Variants in DIP2A observed in about 807,000 individuals in gnomAD.
DIP2A encodes DIP2 acetate--CoA ligase A.
A neutral mutation model predicts 177.4 loss-of-function variants in DIP2A; 85 were observed. The ratio of observed to expected loss-of-function variants is 0.48; its 90% CI spans 0.40 to 0.57. The LOEUF (loss-of-function observed/expected upper bound fraction) is 0.57, where lower values mean the gene tolerates loss of function less well. DIP2A is among the 20% of genes least tolerant of loss of function. DIP2A has a pLI of 0.00. For synonymous variants in DIP2A, 886 were observed against 881.8 expected (o/e 1.00, Z -0.08); for missense variants, 1,791 against 2,100.2 (o/e 0.85, Z 2.88).
chr21:46,545,897 C>T lies in DIP2A; in HGVS notation c.2330C>T (p.Thr777Ile), dbSNP rs774258087. The change falls in exon 20 of 38, where the codon ACA becomes ATA. Residue 777 changes from threonine to isoleucine, a missense_variant. Coordinates refer to ENST00000417564, the MANE Select transcript of DIP2A (RefSeq NM_015151.4). ...TTTGTGCAGGCAGTTCCGGTCACCACAGGAGGAGCACCCATCTTTGACAGG... is the reference window on the plus strand; with the variant it reads ...TTTGTGCAGGCAGTTCCGGTCACCATAGGAGGAGCACCCATCTTTGACAGG... ...KNVFEAVPVT[T>I]GGAPIFDRPF... 1 of 1,613,984 alleles carries T rather than the reference C, an allele frequency of 6.2e-7. No individual in the cohort carries two copies. The highest frequency in any genetic ancestry group is 1.3e-5 in the African/African-American group (1 of 75,072).
In DIP2A at chr21:46,556,839, G is replaced by A. The variant is rs1279023129; in HGVS notation, c.3499-100G>A. 2 of 1,073,844 alleles carry A rather than the reference G, an allele frequency of 1.9e-6. No homozygotes were observed. The highest frequency in any genetic ancestry group is 2.6e-6 in the Non-Finnish European group (2 of 770,100). The allele number at this position is 1,073,844 out of a possible 1,614,324, so 66.5% of individuals were successfully genotyped here. A position where few individuals can be genotyped will look rare whatever the true frequency, so the allele number is the denominator to read the frequency against. The stretch of plus-strand genomic sequence containing the variant: ...TAAATATGATGTTTGGTAGTTCGGA[G>A]CTATGGTCTAGCCATGTGAACAGCG... On this transcript the variant is annotated intron_variant, in intron 29 of 37. Transcript: ENST00000417564. The surrounding 1 kb of genome is among the most constrained non-coding windows in gnomAD (Gnocchi z 4.5).
chr21:46,558,568 G>A (rs2148898816), intron 32 of DIP2A, 175 bp downstream of exon 32: 1 of 673,128 alleles, frequency 1.5e-6, no homozygotes, highest in East Asian at 2.7e-5. Context: ...TTTTAAAGAT[G>A]TTCTATTCTA....
Position 46,557,351 on chromosome 21 carries a change from A to G in DIP2A, c.3630-234A>G, listed in dbSNP as rs1601837628. On this transcript the variant is annotated intron_variant, in intron 30 of 37. Transcript: ENST00000417564. This position sits in a 1 kb window ranked among gnomAD's most constrained non-coding sequence, Gnocchi z 6.0. Reference sequence around the variant, plus strand: ...CGTCTCTAGAAGTGAATGCCTCTGGAGTGGTGTCCCCGGATCCTCTCCAAG... The same window carrying G: ...CGTCTCTAGAAGTGAATGCCTCTGGGGTGGTGTCCCCGGATCCTCTCCAAG... 1 of 636,100 alleles carries G rather than the reference A, an allele frequency of 1.6e-6. No homozygotes were observed. The highest frequency in any genetic ancestry group is 2.8e-5 in the East Asian group (1 of 36,200). 39.4% of individuals were successfully genotyped at this position (636,100 alleles called of 1,614,324 possible). A position where few individuals can be genotyped will look rare whatever the true frequency, so the allele number is the denominator to read the frequency against.
chr21:46,550,386 C>T (rs1308018465), intron 22 of DIP2A, among the ~76,000 whole-genome samples, 157 bp from the exon 23 acceptor site: 2 of 152,190 alleles, frequency 1.3e-5, no homozygotes, highest in Non-Finnish European at 2.9e-5. Context: ...GCACACACTT[C>T]TCTTCATCTT....
At chr21:46,495,536 G>A (rs899337609) in intron 3 of DIP2A, among the ~76,000 whole-genome samples, 5 of 151,752 alleles carry the variant, frequency 3.3e-5, no homozygotes, top group Admixed American at 2.0e-4. Flanking sequence ...CCAAAGTGCT[G>A]GGATTACAGG....
rs1987371487 is a variant in DIP2A at position 46,533,559 on chromosome 21, C to T, written c.1341C>T (p.Gly447=). ...GCCAGCAGGTTGGGTTTCTGCTGGG[C>T]AGCTGTGGAGTCTTCTTGGCCCTGA... ...AGSQQVGFLL[G]SCGVFLALTT... The change falls in exon 11 of 38, where the codon GGC becomes GGT. Residue 447 remains glycine (G), a synonymous_variant. Transcript: ENST00000417564. 1 of 1,613,846 alleles carries T rather than the reference C, an allele frequency of 6.2e-7. No homozygotes were observed. Among genetic ancestry groups the T allele is most frequent in the African/African-American group, 1.3e-5 (1 of 74,924 alleles).
At chr21:46,561,151 A>G (rs550937109) in intron 33 of DIP2A, 17 of 572,544 alleles carry the variant, frequency 3.0e-5, no homozygotes, top group Admixed American at 2.9e-4. Context: ...CAGAGAGAAG[A>G]CAAGTAACCC....
At chr21:46,535,687 T>G (rs2059538554) in intron 13 of DIP2A, among the ~76,000 whole-genome samples, 1 of 152,234 alleles carries the variant, frequency 6.6e-6, no homozygotes, top group Non-Finnish European at 1.5e-5. Flanking sequence ...TAGGTATTTT[T>G]TAAGGGCTTT....
At chr21:46,477,552 T>TGTGTGTGTGTGC in intron 1 of DIP2A, among the ~76,000 whole-genome samples, 1 of 131,820 alleles carries the variant, frequency 7.6e-6, no homozygotes, top group Non-Finnish European at 1.7e-5. Context: ...TTTGTGTGTG[T>TGTGTGTGTGTGC]GTGTGTGTGT....
chr21:46,566,761 G>A, intron 37 of DIP2A, 78 bp downstream of exon 37: 2 of 1,581,978 alleles, frequency 1.3e-6, no homozygotes, highest in Non-Finnish European at 1.7e-6. Context: ...GCATCGGTTG[G>A]AGCAGAGCAA....
chr21:46,550,677 G>T lies in DIP2A; in HGVS notation c.2772G>T (p.Pro924=). 6.2e-7 allele frequency: 1 copy of T among 1,613,988 alleles called. No individual in the cohort carries two copies. The highest frequency in any genetic ancestry group is 1.1e-5 in the South Asian group (1 of 91,074). ...KQRFLEGTLH[P]CNVLMCPHTC... ...GCTTTCTGGAAGGGACGCTGCACCC[G>T]TGTAATGTGCTGATGTGCCCTCACA... Residue 924 remains proline (P), a synonymous_variant, in exon 23 of 38, where the codon CCG becomes CCT. Coordinates refer to ENST00000417564, the MANE Select transcript of DIP2A (RefSeq NM_015151.4).
intron 9 of DIP2A, among the ~76,000 whole-genome samples, chr21:46,529,625 GA>G (rs2059272199): frequency 6.6e-6 from 1 of 151,488 alleles, no homozygotes; most frequent in Non-Finnish European, 1.5e-5. Flanking sequence ...AAAAAGCAGT[GA>G]AAAATATTAA....
intron 8 of DIP2A, among the ~76,000 whole-genome samples, chr21:46,524,966 A>T (rs2059009672): frequency 7.5e-6 from 1 of 133,784 alleles, no homozygotes; most frequent in African/African-American, 2.9e-5. Flanking sequence ...GGCTCACTGC[A>T]GCCTCTGCCT....
chr21:46,580,833 C>T, the DIP2A span, among the ~76,000 whole-genome samples: 3 of 152,092 alleles, frequency 2.0e-5, no homozygotes, highest in South Asian at 2.1e-4. Flanking sequence ...GATGGACTTC[C>T]CTTTGTAGGT....
chr21:46,545,030 A>G lies in DIP2A; in HGVS notation c.2177-107A>G, dbSNP rs781097070. On this transcript the variant is annotated intron_variant, in intron 18 of 37. Coordinates refer to ENST00000417564, the MANE Select transcript of DIP2A (RefSeq NM_015151.4). The stretch of plus-strand genomic sequence containing the variant: ...AACTCCTTATAAGAAGGTGCTGTGT[A>G]TATAACATCCTGTTTCCATAACCGC... The G allele has an allele frequency of 2.0e-5, 22 of 1,115,780 alleles. No individual in the cohort carries two copies. The African/African-American group carries it at 2.0e-4, about 10-fold the overall frequency. The allele number at this position is 1,115,780 out of a possible 1,614,324, so 69.1% of individuals were successfully genotyped here. A position where few individuals can be genotyped will look rare whatever the true frequency, so the allele number is the denominator to read the frequency against.
intron 9 of DIP2A, among the ~76,000 whole-genome samples, chr21:46,530,280 G>A (rs767608007): frequency 3.2e-4 from 49 of 152,210 alleles, no homozygotes; most frequent in Non-Finnish European, 6.5e-4. Flanking sequence ...TAACAAGCTG[G>A]CAGACAGTTC....
In DIP2A at chr21:46,566,565, C is replaced by T; in HGVS notation, c.4345C>T (p.His1449Tyr). 2 of 1,614,052 alleles carry T rather than the reference C, an allele frequency of 1.2e-6. No individual in the cohort carries two copies. The highest frequency in any genetic ancestry group is 1.1e-5 in the South Asian group (1 of 91,082). Residue 1449 changes from histidine (H) to tyrosine (Y), a missense_variant, in exon 37 of 38, where the codon CAC (histidine) becomes TAC (tyrosine). Coordinates refer to ENST00000417564, the MANE Select transcript of DIP2A (RefSeq NM_015151.4). ...TAAACACACACTGTTCACAGGGCGG[C>T]ACGATGCACTGTATGTGGTTGGGTC... is the stretch of plus-strand genomic sequence containing the variant. ...TELTDASGGR[H>Y]DALYVVGSLD...
chr21:46,470,003 T>G (rs919034684), intron 1 of DIP2A, among the ~76,000 whole-genome samples: 3 of 152,244 alleles, frequency 2.0e-5, no homozygotes, highest in African/African-American at 7.2e-5. Context: ...AATCTTTTAA[T>G]GTATTATTTT....
chr21:46,557,845 C>T lies in DIP2A; in HGVS notation c.3798+92C>T. 1 of 1,445,448 alleles carries T rather than the reference C, an allele frequency of 6.9e-7. No individual in the cohort carries two copies. The highest frequency in any genetic ancestry group is 9.3e-7 in the Non-Finnish European group (1 of 1,074,202). The allele number at this position is 1,445,448 out of a possible 1,614,324, so 89.5% of individuals were successfully genotyped here. ...AAAACAAAACAAGACTCCCAAGGCC[C>T]CTCCCTGCAGTTGGAGGAAGTAGAG... On this transcript the variant is annotated intron_variant, in intron 31 of 37. Transcript: ENST00000417564. The surrounding 1 kb of genome is among the most constrained non-coding windows in gnomAD (Gnocchi z 6.0).
Sources: gnomAD v4.1 joint callset for allele counts (sites outside exome capture counted in the v4.1 genomes callset) on GRCh38, gnomAD v4.1.1 for gene constraint, Gnocchi (gnomAD v3.1) non-coding constraint, MANE v1.5 for transcripts, NCBI Gene and HGNC (gene_info 2026-07-23, HGNC 2026-07-21) for gene names.